Variants in CZIB observed in about 807,000 individuals in gnomAD.
CZIB encodes CXXC motif containing zinc binding protein.
Under a neutral mutation model 28.3 loss-of-function variants are expected in CZIB, and 26 were observed. The ratio of observed to expected loss-of-function variants is 0.92; its 90% CI spans 0.67 to 1.27. The LOEUF (loss-of-function observed/expected upper bound fraction) is 1.27, where lower values mean the gene tolerates loss of function less well. Ranked by LOEUF, CZIB falls within the 50% of genes most tolerant of loss-of-function variation. The pLI, the probability that CZIB is intolerant of heterozygous loss-of-function variation, is 0.00. For synonymous variants in CZIB, 78 were observed against 71.1 expected, an observed-to-expected ratio of 1.10 and a Z score of -0.49; for missense variants, 179 against 197.3, an observed-to-expected ratio of 0.91 and a Z score of 0.56.
intron 5 of CZIB, 99 bp downstream of exon 5, chr1:53,218,073 G>T: frequency 8.0e-7 from 1 of 1,254,740 alleles, no homozygotes. Flanking sequence ...ATGTCCTATG[G>T]CAGGTCACTC....
In CZIB at chr1:53,218,488, A is replaced by G; in HGVS notation, c.155T>C (p.Val52Ala). The G allele has an allele frequency of 6.2e-7, 1 of 1,614,142 alleles. No individual in the cohort carries two copies. The highest frequency in any genetic ancestry group is 8.5e-7 in the Non-Finnish European group (1 of 1,179,998). The change falls in exon 4 of 8, where the codon GTG (valine) becomes GCG (alanine). Residue 52 changes from valine (V) to alanine (A), a missense_variant. By Grantham distance (64) the Val-to-Ala change is moderately conservative. Coordinates refer to ENST00000294360, the MANE Select transcript of CZIB (RefSeq NM_017887.3). ...ACTGCCACGGCCCCCCTTCAGTGCC[A>G]CACTGTCCTGGCAAAAAGCAAACAG... is the stretch of plus-strand genomic sequence containing the variant. ...KWQYIRLMDS[V>A]ALKGGRGSAS... is the part of the protein sequence containing the mutation.
chr1:53,214,877 G>A lies in CZIB; in HGVS notation c.406-141C>T, dbSNP rs573447264. 4.6e-4 allele frequency: 278 copies of A among 598,708 alleles called. No homozygotes were observed. The African/African-American group carries it at 4.9e-3, about 10-fold the overall frequency. 37.1% of individuals were successfully genotyped at this position (598,708 alleles called of 1,614,324 possible). ...GTATGACCCTGAACAGAGCCAGATAGCTCAGGCCTGAATTCTAGCTCTTTC... is the reference window on the plus strand; with the variant it reads ...GTATGACCCTGAACAGAGCCAGATAACTCAGGCCTGAATTCTAGCTCTTTC... On this transcript the variant is annotated intron_variant, in intron 7 of 7. Transcript: ENST00000294360.
rs372135240 is a variant in CZIB at position 53,216,103 on chromosome 1, T to C, written c.340-47A>G. On this transcript the variant is annotated intron_variant, in intron 6 of 7. Transcript: ENST00000294360. ...CAGTTAGTCTTGGCAAAAGAAGGCATTGGGCTATAAGTAAGGGCCGGCCAG... is the reference window on the plus strand; with the variant it reads ...CAGTTAGTCTTGGCAAAAGAAGGCACTGGGCTATAAGTAAGGGCCGGCCAG... 2.7e-5 allele frequency: 43 copies of C among 1,599,604 alleles called. No individual in the cohort carries two copies. The African/African-American group carries it at 2.8e-4, about 10-fold the overall frequency.
In CZIB at chr1:53,214,613, C is replaced by T. The variant is rs1645457066; in HGVS notation, c.*46G>A. 2.6e-6 allele frequency: 4 copies of T among 1,554,450 alleles called. No individual in the cohort carries two copies. Among genetic ancestry groups the T allele is most frequent in the Non-Finnish European group, 3.5e-6 (4 of 1,127,218 alleles). ...TCTGTGGGCTCTGCTGCTTAGAGTA[C>T]TTTGTCCTTTCTCAGTTCTTAAGGG... On this transcript the variant is annotated 3_prime_UTR_variant, in exon 8 of 8. Coordinates refer to ENST00000294360, the MANE Select transcript of CZIB (RefSeq NM_017887.3).
intron 5 of CZIB, chr1:53,217,931 G>A: frequency 7.4e-6 from 4 of 536,988 alleles, no homozygotes; most frequent in Non-Finnish European, 1.0e-5. Context: ...TGAACAGCTA[G>A]GTTGTGTCAG....
chr1:53,215,404 TAGATGC>T (rs1557721149), intron 7 of CZIB, among the ~76,000 whole-genome samples: 1 of 152,236 alleles, frequency 6.6e-6, no homozygotes, highest in East Asian at 1.9e-4. Flanking sequence ...AAGAGCTCAG[TAGATGC>T]TAGCTGCTGT....
intron 7 of CZIB, 30 bp downstream of exon 7, chr1:53,215,961 A>G: frequency 6.2e-7 from 1 of 1,610,320 alleles, no homozygotes; most frequent in Non-Finnish European, 8.5e-7. Flanking sequence ...GGTGCCCTAC[A>G]GTACCTCCCA....
rs1055645329 is a variant in CZIB at position 53,218,884 on chromosome 1, G to T, written c.130C>A (p.Gln44Lys). The T allele has an allele frequency of 2.5e-6, 4 of 1,613,740 alleles. No individual in the cohort carries two copies. Among genetic ancestry groups the T allele is most frequent in the Non-Finnish European group, 3.4e-6 (4 of 1,179,746 alleles). Residue 44 changes from glutamine (Q) to lysine (K), a missense_variant, in exon 3 of 8, where the codon CAG becomes AAG. Gln to Lys is a moderately conservative substitution (Grantham distance 53, BLOSUM62 1). Coordinates refer to ENST00000294360, the MANE Select transcript of CZIB (RefSeq NM_017887.3). ...GNCGEISDKW[Q>K]YIRLMDSVAL... ...ACAGTTACCATCAGCCGGATGTACT[G>T]CCACTTGTCCGAAATCTCACCACAG...
chr1:53,215,358 T>G (rs1363809389), intron 7 of CZIB, among the ~76,000 whole-genome samples: 1 of 152,082 alleles, frequency 6.6e-6, no homozygotes, highest in Non-Finnish European at 1.5e-5. Context: ...TAAAATAAAA[T>G]AAAAGCACTC....
In CZIB at chr1:53,214,398, G is replaced by A. The variant is rs1645454382; in HGVS notation, c.*261C>T. 2.2e-6 allele frequency: 1 copy of A among 456,374 alleles called. No individual in the cohort carries two copies. Among genetic ancestry groups the A allele is most frequent in the African/African-American group, 1.9e-5 (1 of 51,488 alleles). The allele number at this position is 456,374 out of a possible 1,614,324, so 28.3% of individuals were successfully genotyped here. A position where few individuals can be genotyped will look rare whatever the true frequency, so the allele number is the denominator to read the frequency against. ...TTAAAAATACTCTTCATTTTCCTAAGGAGTGAACTGCTGCTGCACGAATTC... is the reference window on the plus strand; with the variant it reads ...TTAAAAATACTCTTCATTTTCCTAAAGAGTGAACTGCTGCTGCACGAATTC... On this transcript the variant is annotated 3_prime_UTR_variant, in exon 8 of 8. Transcript: ENST00000294360.
At position 53,218,941 on chromosome 1, in the gene CZIB, G is replaced by A; in HGVS notation, c.91-18C>T. On this transcript the variant is annotated intron_variant, in intron 2 of 7. Transcript: ENST00000294360. ...CATTTCATCTTTGGGGAAAAAGAAT[G>A]TTAGTAAAGCAGCTGGCTCTGCTGC... The A allele has an allele frequency of 6.2e-7, 1 of 1,611,006 alleles. No homozygotes were observed. The highest frequency in any genetic ancestry group is 8.5e-7 in the Non-Finnish European group (1 of 1,177,194).
chr1:53,216,949 C>T, intron 5 of CZIB, 90 bp from the exon 6 acceptor site: 1 of 1,146,226 alleles, frequency 8.7e-7, no homozygotes, highest in Non-Finnish European at 1.3e-6. Flanking sequence ...TGGGCACTTA[C>T]TGCCCCTGGA....
chr1:53,218,026 A>C, intron 5 of CZIB, 146 bp downstream of exon 5: 1 of 853,420 alleles, frequency 1.2e-6, no homozygotes, highest in Non-Finnish European at 1.8e-6. Flanking sequence ...ACAGTGGATA[A>C]ATGACTGAGT....
In CZIB at chr1:53,214,723, TA is replaced by T. The variant is rs1557720772; in HGVS notation, c.418del (p.Tyr140MetfsTer19). 1.9e-6 allele frequency: 3 copies of T among 1,613,862 alleles called. No homozygotes were observed. The part of the protein sequence containing the change: ...INLQEKDWTD[Y>X]DEKAQESVGI... ...CACAGACTCCTGGGCCTTTTCATCA[TA>T]GTCAGTCCAGTCCTGGGAAACAAAA... On this transcript the variant is annotated frameshift_variant, in exon 8 of 8. Transcript: ENST00000294360. LOFTEE classifies it high-confidence loss of function.
intron 6 of CZIB, 95 bp downstream of exon 6, chr1:53,216,687 C>G: frequency 8.9e-7 from 1 of 1,123,224 alleles, no homozygotes; most frequent in Non-Finnish European, 1.3e-6. Context: ...AGGAGAATGT[C>G]TAGTCCATGG....
chr1:53,218,210 T>C lies in CZIB; in HGVS notation c.230-7A>G. 4 of 1,614,034 alleles carry C rather than the reference T, an allele frequency of 2.5e-6. No individual in the cohort carries two copies. Among genetic ancestry groups the C allele is most frequent in the Non-Finnish European group, 3.4e-6 (4 of 1,179,958 alleles). On this transcript the variant is annotated splice_region_variant and splice_polypyrimidine_tract_variant and intron_variant, in intron 4 of 7. Transcript: ENST00000294360. ...ATGGTGCTGCTTAAAATCTCTGAAA[T>C]AGAAAAGAGAACACAAAGTTGACTT... is the stretch of plus-strand genomic sequence containing the variant.
At chr1:53,219,192 G>A (rs1485671650) in intron 2 of CZIB, 1 of 455,196 alleles carries the variant, frequency 2.2e-6, no homozygotes, top group Non-Finnish European at 3.9e-6. Flanking sequence ...GTGCAGAAAT[G>A]GTTTCAGCGG....
At position 53,220,585 on chromosome 1, in the gene CZIB, C is replaced by T; in HGVS notation, c.-10G>A. 3 of 1,597,850 alleles carry T rather than the reference C, an allele frequency of 1.9e-6. No homozygotes were observed. Among genetic ancestry groups the T allele is most frequent in the Non-Finnish European group, 2.5e-6 (3 of 1,179,172 alleles). On this transcript the variant is annotated 5_prime_UTR_variant, in exon 1 of 8. Coordinates refer to ENST00000294360, the MANE Select transcript of CZIB (RefSeq NM_017887.3). ...CTCCCCTCACCCCCATGGTAGCCCT[C>T]TCCGCCCGGTGCTGGCTGCGGCCCT...
intron 3 of CZIB, 39 bp downstream of exon 3, chr1:53,218,828 G>C: frequency 1.3e-6 from 2 of 1,563,210 alleles, no homozygotes; most frequent in South Asian, 1.1e-5. Flanking sequence ...ATGTGTGTTT[G>C]TGAGTGTTTA....
Sources: allele counts gnomAD v4.1 joint callset (sites outside exome capture counted in the v4.1 genomes callset), GRCh38; gene constraint gnomAD v4.1.1; transcripts MANE v1.5; gene names NCBI Gene and HGNC (gene_info 2026-07-23, HGNC 2026-07-21).